RPL36A: variants seen among roughly 807,000 people sequenced by gnomAD.
RPL36A encodes the protein large ribosomal subunit protein eL42.
For missense variants in RPL36A, 20 were observed against 81.0 expected, an observed-to-expected ratio of 0.25 and a Z score of 2.89; for synonymous variants, 25 against 28.5, an observed-to-expected ratio of 0.88 and a Z score of 0.39.
Position 101,395,580 on chromosome X carries a change from A to T in RPL36A, c.300+123A>T. On this transcript the variant is annotated intron_variant, in intron 4 of 4. Transcript: ENST00000553110. ...CTCTAAAAATATTAGATCTATAGCT[A>T]AAGATATGTGAGGTCTTTTGCTACA... 3 of 1,102,316 alleles carry T rather than the reference A, an allele frequency of 2.7e-6. No individual in the cohort carries two copies. In the South Asian group the frequency reaches 6.2e-5, roughly 23 times the overall value. The allele number at this position is 1,102,316 out of a possible 1,213,427, so 90.8% of individuals were successfully genotyped here. A position where few individuals can be genotyped will look rare whatever the true frequency, so the allele number is the denominator to read the frequency against.
intron 3 of RPL36A, among the ~76,000 whole-genome samples, chrX:101,394,119 CAG>C (rs1383374456): frequency 1.8e-5 from 2 of 111,116 alleles, no homozygotes; most frequent in East Asian, 2.8e-4. Context: ...CACCTGAGGT[CAG>C]GGGATCAAGA....
chrX:101,395,789 A>T lies in RPL36A; in HGVS notation c.*41A>T. On this transcript the variant is annotated 3_prime_UTR_variant, in exon 5 of 5. Coordinates refer to ENST00000553110, the MANE Select transcript of RPL36A (RefSeq NM_021029.6). ...ATGAAGACAATAAAATCTTGAGTTT[A>T]TGTTCACTTCATTTGTTTGCTGTTC... The T allele has an allele frequency of 3.5e-6, 4 of 1,129,989 alleles. No individual in the cohort carries two copies. Among genetic ancestry groups the T allele is most frequent in the Non-Finnish European group, 4.9e-6 (4 of 824,553 alleles). 93.1% of individuals were successfully genotyped at this position (1,129,989 alleles called of 1,213,427 possible). A position where few individuals can be genotyped will look rare whatever the true frequency, so the allele number is the denominator to read the frequency against.
intron 4 of RPL36A, 109 bp downstream of exon 4, chrX:101,395,566 T>C: frequency 1.8e-6 from 2 of 1,110,684 alleles, no homozygotes. Flanking sequence ...TCTAAAAATA[T>C]TAGATCTATA....
chrX:101,391,697 G>T, intron 2 of RPL36A, 58 bp from the exon 3 acceptor site: 2 of 1,203,909 alleles, frequency 1.7e-6, no homozygotes, highest in Admixed American at 2.2e-5. Context: ...GATAAAACCT[G>T]TAAGACTTAC....
At chrX:101,391,219 G>T in intron 1 of RPL36A, 173 bp downstream of exon 1, 1 of 623,288 alleles carries the variant, frequency 1.6e-6, no homozygotes, top group Non-Finnish European at 2.5e-6. Flanking sequence ...AGGAATTGAA[G>T]TGATGGGTTC....
rs782219949 is a variant in RPL36A at position 101,395,891 on chromosome X, A to G, written c.*143A>G. On this transcript the variant is annotated 3_prime_UTR_variant, in exon 5 of 5. Transcript: ENST00000553110. ...GAAATTTATGCCTCTTACTGGTACTACTTGTTTTGCATTGAAGCTGACTGG... is the reference window on the plus strand; with the variant it reads ...GAAATTTATGCCTCTTACTGGTACTGCTTGTTTTGCATTGAAGCTGACTGG... 5.5e-6 allele frequency: 3 copies of G among 546,203 alleles called. No homozygotes were observed. In the East Asian group the frequency reaches 1.1e-4, roughly 19 times the overall value. The allele number at this position is 546,203 out of a possible 1,213,427, so 45.0% of individuals were successfully genotyped here. A position where few individuals can be genotyped will look rare whatever the true frequency, so the allele number is the denominator to read the frequency against.
rs200437857 is a variant in RPL36A at position 101,396,148 on chromosome X, GTTC to G, written c.*404_*406del. 27 of 153,380 alleles carry G rather than the reference GTTC, an allele frequency of 1.8e-4. No homozygotes were observed. In the East Asian group the frequency reaches 4.2e-3, roughly 24 times the overall value. 12.6% of individuals were successfully genotyped at this position (153,380 alleles called of 1,213,427 possible). A position where few individuals can be genotyped will look rare whatever the true frequency, so the allele number is the denominator to read the frequency against. ...TAATTTAATAAAGAATTTTGGCATT[GTTC>G]TTCAGACACAGTACACTGTAACATA... On this transcript the variant is annotated 3_prime_UTR_variant, in exon 5 of 5. Coordinates refer to ENST00000553110, the MANE Select transcript of RPL36A (RefSeq NM_021029.6).
chrX:101,392,010 A>G (rs1184842484), intron 3 of RPL36A, 188 bp downstream of exon 3: 1 of 1,163,694 alleles, frequency 8.6e-7, no homozygotes, highest in Non-Finnish European at 1.1e-6. Context: ...ATACTGCACT[A>G]TTTCAGTGTT....
intron 1 of RPL36A, 83 bp from the exon 2 acceptor site, chrX:101,391,376 G>A (rs953765139): frequency 7.3e-6 from 8 of 1,094,976 alleles, no homozygotes; most frequent in Non-Finnish European, 1.0e-5. Context: ...CTCCTGGAGT[G>A]CCTCAGCTTT....
chrX:101,394,765 TTATATATATA>T (rs1211479958), intron 3 of RPL36A, among the ~76,000 whole-genome samples: 3 of 96,403 alleles, frequency 3.1e-5, no homozygotes, highest in Admixed American at 2.4e-4. Context: ...TTATATATAT[TTATATATATA>T]ATATATATAT....
At chrX:101,392,511 AAG>A in intron 3 of RPL36A, 1 of 756,071 alleles carries the variant, frequency 1.3e-6, no homozygotes, top group Non-Finnish European at 1.6e-6. Context: ...GGGTGGCAAA[AAG>A]AATGCTTTTT....
At chrX:101,392,435 T>C (rs782044831) in intron 3 of RPL36A, 64 of 785,622 alleles carry the variant, frequency 8.1e-5, no homozygotes, top group Non-Finnish European at 9.5e-5. Flanking sequence ...TTGTGCAGTT[T>C]AGCTCCAGAA....
At chrX:101,391,288 G>C (rs2143597) in intron 1 of RPL36A, 171 bp from the exon 2 acceptor site, 1 of 643,333 alleles carries the variant, frequency 1.6e-6, no homozygotes, top group African/African-American at 2.2e-5. Flanking sequence ...TTTGGGGCTC[G>C]ACGGAGGGAG....
intron 1 of RPL36A, 27 bp from the exon 2 acceptor site, chrX:101,391,432 G>A: frequency 8.3e-7 from 1 of 1,205,198 alleles, no homozygotes; most frequent in Non-Finnish European, 1.1e-6. Context: ...AAATAACATT[G>A]CACGTTCTGA....
At chrX:101,395,260 A>C in intron 3 of RPL36A, 75 bp from the exon 4 acceptor site, 5 of 1,079,723 alleles carry the variant, frequency 4.6e-6, no homozygotes, top group Non-Finnish European at 6.0e-6. Flanking sequence ...TTTAAATAGT[A>C]CTTAAAGTAG....
At chrX:101,394,011 A>G (rs782577131) in intron 3 of RPL36A, among the ~76,000 whole-genome samples, 4 of 112,205 alleles carry the variant, frequency 3.6e-5, no homozygotes, top group Non-Finnish European at 7.5e-5. Flanking sequence ...AAACTTGTAA[A>G]CAATAGTTCT....
chrX:101,393,023 A>C (rs989526455), intron 3 of RPL36A: 4 of 104,763 alleles, frequency 3.8e-5, no homozygotes, highest in African/African-American at 1.4e-4. Flanking sequence ...CTGAGGCAGG[A>C]GAATCGCTGG....
chrX:101,395,950 T>G lies in RPL36A; in HGVS notation c.*202T>G. 1 of 421,256 alleles carries G rather than the reference T, an allele frequency of 2.4e-6. No homozygotes were observed. The highest frequency in any genetic ancestry group is 3.9e-5 in the East Asian group (1 of 25,699). The allele number at this position is 421,256 out of a possible 1,213,427, so 34.7% of individuals were successfully genotyped here. ...ACATCATATGTTGCAATTTTCTAAT[T>G]TGGCACTTCAATCACTAGGGGCCTT... On this transcript the variant is annotated 3_prime_UTR_variant, in exon 5 of 5. Coordinates refer to ENST00000553110, the MANE Select transcript of RPL36A (RefSeq NM_021029.6).
In RPL36A at chrX:101,391,052, A is replaced by G. The variant is rs1482868676; in HGVS notation, c.3+6A>G. 6 of 1,207,337 alleles carry G rather than the reference A, an allele frequency of 5.0e-6. No homozygotes were observed. The highest frequency in any genetic ancestry group is 1.8e-5 in the South Asian group (1 of 56,836). On this transcript the variant is annotated splice_donor_region_variant and intron_variant, in intron 1 of 4. Coordinates refer to ENST00000553110, the MANE Select transcript of RPL36A (RefSeq NM_021029.6). ...ATAGCGCTCACGCAAGCATGGTAGG[A>G]CTTGCTGGTGGGGGCCGAGTAACAT...
Sources: allele counts gnomAD v4.1 joint callset (sites outside exome capture counted in the v4.1 genomes callset), GRCh38; gene constraint gnomAD v4.1.1; transcripts MANE v1.5; gene names NCBI Gene and HGNC (gene_info 2026-07-23, HGNC 2026-07-21).